Variants in UPF2 observed in about 807,000 individuals in gnomAD.
UPF2 encodes regulator of nonsense transcripts 2.
In UPF2, 17 loss-of-function variants were observed where a neutral mutation model predicts 141.4. That is an observed-to-expected ratio of 0.12 (90% CI 0.08 to 0.18). The LOEUF (loss-of-function observed/expected upper bound fraction) is 0.18, where lower values mean the gene tolerates loss of function less well. UPF2 is among the 10% of genes least tolerant of loss of function. The pLI, the probability that UPF2 is intolerant of heterozygous loss-of-function variation, is 1.00. For synonymous variants in UPF2, 540 were observed against 498.0 expected, an observed-to-expected ratio of 1.08 and a Z score of -1.12; for missense variants, 1,152 against 1,515.9, an observed-to-expected ratio of 0.76 and a Z score of 3.99.
At chr10:11,993,149 C>CAAAAAA (rs561323595) in intron 8 of UPF2, among the ~76,000 whole-genome samples, 2 of 80,542 alleles carry the variant, frequency 2.5e-5, no homozygotes, top group African/African-American at 1.5e-4. Flanking sequence ...GGCTCCACCT[C>CAAAAAA]AAAAAAAAAA....
intron 4 of UPF2, among the ~76,000 whole-genome samples, chr10:12,008,399 G>A (rs1353430451): frequency 2.0e-5 from 3 of 151,946 alleles, no homozygotes; most frequent in East Asian, 1.9e-4. Context: ...GGGAGGCCGA[G>A]GTGGGCAGAT....
intron 1 of UPF2, among the ~76,000 whole-genome samples, chr10:12,036,146 T>A (rs1353320936): frequency 6.6e-6 from 1 of 152,228 alleles, no homozygotes; most frequent in African/African-American, 2.4e-5. Flanking sequence ...AGAGTAGCTA[T>A]TAGCCCAGGG....
In UPF2 at chr10:11,931,569, T is replaced by C. The variant is rs1483308499; in HGVS notation, c.3688+72A>G. 1 of 1,450,780 alleles carries C rather than the reference T, an allele frequency of 6.9e-7. No individual in the cohort carries two copies. Among genetic ancestry groups the C allele is most frequent in the Non-Finnish European group, 9.2e-7 (1 of 1,091,508 alleles). The allele number at this position is 1,450,780 out of a possible 1,614,324, so 89.9% of individuals were successfully genotyped here. The stretch of plus-strand genomic sequence containing the variant: ...TATGGAAAAATATGACATGAGAAGA[T>C]GAGACAAAATAACAATTTTGATGCT... On this transcript the variant is annotated intron_variant, in intron 20 of 21. Transcript: ENST00000357604. The surrounding 1 kb of genome is among the most constrained non-coding windows in gnomAD (Gnocchi z 5.9).
Position 11,999,943 on chromosome 10 carries a change from T to G in UPF2, c.1721A>C (p.Gln574Pro). 1 of 1,613,972 alleles carries G rather than the reference T, an allele frequency of 6.2e-7. No individual in the cohort carries two copies. The highest frequency in any genetic ancestry group is 8.5e-7 in the Non-Finnish European group (1 of 1,179,966). ...ATCTCGGTTGACACAGTTGGGTAAC[T>G]GCTGTAGGAAAGCATCTACTATGAG... ...LKLIVDAFLQ[Q>P]LPNCVNRDLI... The change falls in exon 7 of 22, where the codon CAG becomes CCG. Residue 574 changes from glutamine to proline, a missense_variant. By Grantham distance (76) the Gln-to-Pro change is moderately conservative. Transcript: ENST00000357604.
In UPF2 at chr10:11,936,050, A is replaced by C. The variant is rs78074536; in HGVS notation, c.3546+495T>G. On this transcript the variant is annotated intron_variant, in intron 19 of 21. Transcript: ENST00000357604. The surrounding 1 kb of genome is among the most constrained non-coding windows in gnomAD (Gnocchi z 6.6). ...TTGTGCTAGAAGTCAAGGTACTTAC[A>C]TATTCTTACAAACATGTATGATTTA... Among the ~76,000 whole-genome samples the C allele has an allele frequency of 0.066, 9,990 of 152,202 alleles. 569 individuals are homozygous for C. Among genetic ancestry groups the C allele is most frequent in the East Asian group, 0.25 (1,290 of 5,174 alleles).
intron 7 of UPF2, 38 bp downstream of exon 7, chr10:11,999,868 C>A: frequency 1.3e-6 from 2 of 1,530,156 alleles, no homozygotes; most frequent in South Asian, 1.1e-5. Context: ...CCTACAAGGT[C>A]CATGTGCTTG....
At chr10:11,951,147 C>T (rs2131182705) in intron 15 of UPF2, among the ~76,000 whole-genome samples, 1 of 152,240 alleles carries the variant, frequency 6.6e-6, no homozygotes, top group South Asian at 2.1e-4. Flanking sequence ...ACTCCAACCT[C>T]CGTCTCCCGG....
chr10:11,956,190 T>G lies in UPF2; in HGVS notation c.2574+130A>C. ...GGAAAGTGTTTACAGGAAATTCTTA[T>G]AAAATGATTATCAGCTTTTTCTAAC... On this transcript the variant is annotated intron_variant, in intron 13 of 21. Transcript: ENST00000357604. This position sits in a 1 kb window ranked among gnomAD's most constrained non-coding sequence, Gnocchi z 4.2. 2.3e-6 allele frequency: 2 copies of G among 864,586 alleles called. No individual in the cohort carries two copies. Among genetic ancestry groups the G allele is most frequent in the Non-Finnish European group, 3.6e-6 (2 of 557,878 alleles). 53.6% of individuals were successfully genotyped at this position (864,586 alleles called of 1,614,324 possible).
In UPF2 at chr10:11,992,124, A is replaced by G. The variant is rs1448829209; in HGVS notation, c.1844+5548T>C. On this transcript the variant is annotated intron_variant, in intron 8 of 21. Coordinates refer to ENST00000357604, the MANE Select transcript of UPF2 (RefSeq NM_015542.4). The surrounding 1 kb of genome is among the most constrained non-coding windows in gnomAD (Gnocchi z 4.1). ...GCGCCACTGCACTCCAGCATGGGCA[A>G]TAGAGCAAAACTCAGTCTCAAAAAA... Among the ~76,000 whole-genome samples the G allele has an allele frequency of 1.3e-5, 2 of 151,970 alleles. No individual in the cohort carries two copies. The highest frequency in any genetic ancestry group is 2.9e-5 in the Non-Finnish European group (2 of 67,968).
intron 12 of UPF2, among the ~76,000 whole-genome samples, chr10:11,957,510 ACTTT>A (rs985229879): frequency 6.6e-6 from 1 of 151,386 alleles, no homozygotes; most frequent in African/African-American, 2.4e-5. Flanking sequence ...AAATAATCTC[ACTTT>A]CTTTCTTTCT....
At chr10:11,928,532 AC>A (rs1396615940) in intron 21 of UPF2, among the ~76,000 whole-genome samples, 1 of 151,438 alleles carries the variant, frequency 6.6e-6, no homozygotes, top group African/African-American at 2.4e-5. Flanking sequence ...ACACGGTGAA[AC>A]CCCGTCTCTA....
At chr10:11,982,029 C>T (rs1433992540) in intron 8 of UPF2, among the ~76,000 whole-genome samples, 1 of 80,500 alleles carries the variant, frequency 1.2e-5, no homozygotes, top group Non-Finnish European at 2.6e-5. Flanking sequence ...CCTACTGTTC[C>T]TACTATTAAA....
chr10:11,931,578 A>G lies in UPF2; in HGVS notation c.3688+63T>C, dbSNP rs531039133. On this transcript the variant is annotated intron_variant, in intron 20 of 21. Coordinates refer to ENST00000357604, the MANE Select transcript of UPF2 (RefSeq NM_015542.4). The surrounding 1 kb of genome is among the most constrained non-coding windows in gnomAD (Gnocchi z 5.9). Reference sequence around the variant, plus strand: ...ATATGACATGAGAAGATGAGACAAAATAACAATTTTGATGCTCAAAAGGCA... The same window carrying G: ...ATATGACATGAGAAGATGAGACAAAGTAACAATTTTGATGCTCAAAAGGCA... 5 of 1,474,872 alleles carry G rather than the reference A, an allele frequency of 3.4e-6. No homozygotes were observed. The South Asian group carries it at 4.5e-5, about 13-fold the overall frequency. 91.4% of individuals were successfully genotyped at this position (1,474,872 alleles called of 1,614,324 possible). A position where few individuals can be genotyped will look rare whatever the true frequency, so the allele number is the denominator to read the frequency against.
chr10:11,942,900 G>A lies in UPF2; in HGVS notation c.3280-137C>T, dbSNP rs1240573815. 6.6e-6 allele frequency: 6 copies of A among 913,348 alleles called. No homozygotes were observed. In the African/African-American group the frequency reaches 6.7e-5, roughly 10 times the overall value. 56.6% of individuals were successfully genotyped at this position (913,348 alleles called of 1,614,324 possible). On this transcript the variant is annotated intron_variant, in intron 17 of 21. Transcript: ENST00000357604. ...AGTAAAATATCTAACATTATTCAAT[G>A]TTAAAAGAATTTAAAGAAAATGGTT...
At chr10:11,941,135 T>C (rs1474330528) in intron 18 of UPF2, among the ~76,000 whole-genome samples, 1 of 152,222 alleles carries the variant, frequency 6.6e-6, no homozygotes. Flanking sequence ...ACCACCTCAG[T>C]TGTATTTATC....
chr10:12,011,735 T>C (rs1834130964), intron 4 of UPF2, among the ~76,000 whole-genome samples: 1 of 151,802 alleles, frequency 6.6e-6, no homozygotes, highest in South Asian at 2.1e-4. Flanking sequence ...CACCTGAGGT[T>C]GGGAGTTCGA....
At chr10:11,961,274 ACAGTAG>A (rs1374924195) in intron 11 of UPF2, among the ~76,000 whole-genome samples, 1 of 152,076 alleles carries the variant, frequency 6.6e-6, no homozygotes, top group African/African-American at 2.4e-5. Context: ...AATAATTGCA[ACAGTAG>A]CATGAACAAT....
intron 4 of UPF2, among the ~76,000 whole-genome samples, chr10:12,008,141 C>T (rs936930777): frequency 1.1e-4 from 17 of 151,834 alleles, no homozygotes; most frequent in African/African-American, 4.1e-4. Context: ...CCTCAGCCTC[C>T]CAAGTGCTTT....
At chr10:12,038,821 TA>T (rs879823638) in intron 1 of UPF2, among the ~76,000 whole-genome samples, 15 of 151,654 alleles carry the variant, frequency 9.9e-5, no homozygotes, top group African/African-American at 2.7e-4. Flanking sequence ...TTTTTTAATT[TA>T]AAAAAAAACT....
Sources: allele counts gnomAD v4.1 joint callset (sites outside exome capture counted in the v4.1 genomes callset), GRCh38; gene constraint gnomAD v4.1.1; non-coding constraint Gnocchi (gnomAD v3.1); transcripts MANE v1.5; gene names NCBI Gene and HGNC (gene_info 2026-07-23, HGNC 2026-07-21).